The following THAP4 variants were observed in gnomAD, a reference collection of about 807,000 sequenced individuals.
The protein encoded by THAP4 is peroxynitrite isomerase THAP4.
A neutral mutation model predicts 48.1 loss-of-function variants in THAP4; 18 were observed. The observed-to-expected ratio is 0.37, with a 90% CI of 0.26 to 0.56. The LOEUF is 0.56. Ranked by LOEUF, THAP4 falls within the 20% of genes least tolerant of loss-of-function variation. The pLI is 0.78. For synonymous variants in THAP4, 345 were observed against 324.9 expected (o/e 1.06, Z -0.66); for missense variants, 656 against 774.9 (o/e 0.85, Z 1.82).
chr2:241,634,256 G>C (rs1333825787), intron 1 of THAP4, among the ~76,000 whole-genome samples, 177 bp from the exon 2 acceptor site: 1 of 152,170 alleles, frequency 6.6e-6, no homozygotes, highest in East Asian at 1.9e-4. Context: ...GTTATTACTG[G>C]AGTAGAAATC....
intron 5 of THAP4, among the ~76,000 whole-genome samples, chr2:241,586,381 C>T (rs1051665480): frequency 6.6e-6 from 1 of 151,964 alleles, no homozygotes; most frequent in African/African-American, 2.4e-5. Flanking sequence ...ACCAGCTCAG[C>T]CTCTACTGAA....
intron 3 of THAP4, among the ~76,000 whole-genome samples, chr2:241,604,318 T>G (rs1022136951): frequency 2.0e-5 from 3 of 152,012 alleles, no homozygotes; most frequent in African/African-American, 7.2e-5. Context: ...TGGCGCTATC[T>G]TGGCTCACTG....
In THAP4 at chr2:241,636,973, T is replaced by TC; in HGVS notation, c.44dup (p.Glu18ArgfsTer29). ...AGGAGACGGCGCGCTTCTCGCCCTT[T>TC]CCCTGCCGGTTGGAGCAGTTCACGG... On this transcript the variant is annotated frameshift_variant, in exon 1 of 6. Transcript: ENST00000407315. LOFTEE classifies it high-confidence loss of function. The TC allele has an allele frequency of 7.6e-7, 1 of 1,323,374 alleles. No homozygotes were observed. Among genetic ancestry groups the TC allele is most frequent in the South Asian group, 1.3e-5 (1 of 79,826 alleles). The allele number at this position is 1,323,374 out of a possible 1,614,324, so 82.0% of individuals were successfully genotyped here.
At chr2:241,587,075 G>A (rs1039477822) in intron 5 of THAP4, among the ~76,000 whole-genome samples, 1 of 152,176 alleles carries the variant, frequency 6.6e-6, no homozygotes, top group Non-Finnish European at 1.5e-5. Flanking sequence ...TGGGTGTCAT[G>A]GTTAATTTTA....
intron 2 of THAP4, among the ~76,000 whole-genome samples, chr2:241,607,899 C>T (rs1366041226): frequency 2.4e-5 from 3 of 125,948 alleles, no homozygotes; most frequent in Non-Finnish European, 4.9e-5. Context: ...AAGCAGAAGA[C>T]AGCTGACGGG....
At chr2:241,600,972 C>G (rs2067105454) in intron 5 of THAP4, among the ~76,000 whole-genome samples, 1 of 131,634 alleles carries the variant, frequency 7.6e-6, no homozygotes, top group African/African-American at 3.0e-5. Context: ...TCCTACAAAT[C>G]TTTAAAAAAA....
Position 241,601,741 on chromosome 2 carries a change from G to C in THAP4, c.1614+155C>G. The C allele has an allele frequency of 1.4e-6, 2 of 1,429,720 alleles. No individual in the cohort carries two copies. Among genetic ancestry groups the C allele is most frequent in the Non-Finnish European group, 1.9e-6 (2 of 1,053,772 alleles). 88.6% of individuals were successfully genotyped at this position (1,429,720 alleles called of 1,614,324 possible). A position where few individuals can be genotyped will look rare whatever the true frequency, so the allele number is the denominator to read the frequency against. ...AATGAATTTAGGGAACATCCACCCTGGATGGTCCGAGAAGGGAAAAGAAGG... is the reference window on the plus strand; with the variant it reads ...AATGAATTTAGGGAACATCCACCCTCGATGGTCCGAGAAGGGAAAAGAAGG... On this transcript the variant is annotated intron_variant, in intron 5 of 5. Coordinates refer to ENST00000407315, the MANE Select transcript of THAP4 (RefSeq NM_015963.6). The surrounding 1 kb of genome is among the most constrained non-coding windows in gnomAD (Gnocchi z 4.0).
intron 2 of THAP4, among the ~76,000 whole-genome samples, chr2:241,615,004 C>T (rs185085687): frequency 9.2e-5 from 14 of 152,272 alleles, no homozygotes; most frequent in African/African-American, 3.4e-4. Flanking sequence ...CTGTAAGTTC[C>T]AGAAAGCAGA....
At chr2:241,628,536 C>A (rs1017161804) in intron 2 of THAP4, among the ~76,000 whole-genome samples, 35 of 151,980 alleles carry the variant, frequency 2.3e-4, no homozygotes, top group Non-Finnish European at 1.8e-4. Context: ...CCTCTCAACC[C>A]CCTGAACCCA....
upstream of THAP4, chr2:241,637,535 T>C: frequency 6.9e-7 from 1 of 1,450,332 alleles, no homozygotes; most frequent in Non-Finnish European, 9.0e-7. Flanking sequence ...GCCCCGGGGC[T>C]CGCGTCGGCC....
intron 5 of THAP4, among the ~76,000 whole-genome samples, chr2:241,600,976 A>T (rs779003996): frequency 1.5e-5 from 1 of 65,470 alleles, no homozygotes; most frequent in East Asian, 6.2e-4. Flanking sequence ...ACAAATCTTT[A>T]AAAAAAAAAA....
intron 2 of THAP4, among the ~76,000 whole-genome samples, chr2:241,620,110 G>GATGA (rs2067405371): frequency 1.9e-5 from 2 of 103,824 alleles, no homozygotes; most frequent in Non-Finnish European, 4.0e-5. Flanking sequence ...GTGAGTGAGG[G>GATGA]GTGAGGGGTA....
intron 3 of THAP4, among the ~76,000 whole-genome samples, chr2:241,604,518 T>G (rs2067155305): frequency 6.6e-6 from 1 of 152,114 alleles, no homozygotes; most frequent in Non-Finnish European, 1.5e-5. Context: ...CTCAAAGTGC[T>G]GGGATTACAG....
intron 2 of THAP4, among the ~76,000 whole-genome samples, chr2:241,619,665 G>A (rs2067386450): frequency 6.6e-6 from 1 of 152,208 alleles, no homozygotes; most frequent in South Asian, 2.1e-4. Flanking sequence ...GTGAGTTGGT[G>A]AGTAAGTTGG....
At position 241,601,836 on chromosome 2, in the gene THAP4, G is replaced by A. The variant is rs770119626; in HGVS notation, c.1614+60C>T. Reference sequence around the variant, plus strand: ...CTACCTCACGGAAGAGGAAGAGGCTGACTCCACAGACCGCTGCAAACAGAA... The same window carrying A: ...CTACCTCACGGAAGAGGAAGAGGCTAACTCCACAGACCGCTGCAAACAGAA... On this transcript the variant is annotated intron_variant, in intron 5 of 5. Coordinates refer to ENST00000407315, the MANE Select transcript of THAP4 (RefSeq NM_015963.6). The surrounding 1 kb of genome is among the most constrained non-coding windows in gnomAD (Gnocchi z 4.0). 8.7e-6 allele frequency: 14 copies of A among 1,604,002 alleles called. No homozygotes were observed. The Admixed American group carries it at 2.2e-4, about 26-fold the overall frequency.
At chr2:241,605,197 T>A (rs2067164236) in intron 3 of THAP4, among the ~76,000 whole-genome samples, 1 of 152,088 alleles carries the variant, frequency 6.6e-6, no homozygotes, top group Admixed American at 6.5e-5. Context: ...AATAATAATA[T>A]AAAAAGGTAG....
At position 241,633,031 on chromosome 2, in the gene THAP4, G is replaced by C; in HGVS notation, c.1126C>G (p.Leu376Val). The C allele has an allele frequency of 6.2e-7, 1 of 1,613,896 alleles. No individual in the cohort carries two copies. The highest frequency in any genetic ancestry group is 1.3e-5 in the African/African-American group (1 of 75,060). Residue 376 changes from leucine to valine, a missense_variant, in exon 2 of 6, where the codon CTG (leucine) becomes GTG (valine). Physicochemically the swap from Leu to Val is conservative, Grantham distance 32 (BLOSUM62 1). This residue lies in a region of THAP4 where 391 missense variants were observed against 412.4 expected (regional missense o/e 0.95). Coordinates refer to ENST00000407315, the MANE Select transcript of THAP4 (RefSeq NM_015963.6). This position sits in a 1 kb window ranked among gnomAD's most constrained non-coding sequence, Gnocchi z 7.5. ...VEKKNGELKS[L>V]RQRVSRSDSQ... Reference sequence around the variant, plus strand: ...TCGGAGCGGCTGACCCTCTGCCGCAGGCTCTTCAGCTCGCCGTTCTTCTTC... The same window carrying C: ...TCGGAGCGGCTGACCCTCTGCCGCACGCTCTTCAGCTCGCCGTTCTTCTTC...
chr2:241,614,111 G>A (rs2067310499), intron 2 of THAP4, among the ~76,000 whole-genome samples: 1 of 149,596 alleles, frequency 6.7e-6, no homozygotes, highest in Admixed American at 6.7e-5. Flanking sequence ...CCAAGATCGC[G>A]CCACTGCACT....
rs145695623 is a variant in THAP4, at chr2:241,591,375, G to A, written c.1615-6650C>T. ...GGGACTGTTCTCAGTCTTGACTGGC[G>A]CAGCGTTACAAGATTATATATGCTT... On this transcript the variant is annotated intron_variant, in intron 5 of 5. Coordinates refer to ENST00000407315, the MANE Select transcript of THAP4 (RefSeq NM_015963.6). Among the ~76,000 whole-genome samples, 401 of 152,320 alleles carry A rather than the reference G, an allele frequency of 2.6e-3. 2 individuals are homozygous for A. Among genetic ancestry groups the A allele is most frequent in the Non-Finnish European group, 4.5e-3 (303 of 68,030 alleles).
Sources: allele counts gnomAD v4.1 joint callset (sites outside exome capture counted in the v4.1 genomes callset), GRCh38; gene constraint gnomAD v4.1.1; regional missense constraint gnomAD v4.1.1; non-coding constraint Gnocchi (gnomAD v3.1); transcripts MANE v1.5; gene names NCBI Gene and HGNC (gene_info 2026-07-23, HGNC 2026-07-21).